The following MEGF11 variants were observed in gnomAD, a reference collection of about 807,000 sequenced individuals.
The protein encoded by MEGF11 is multiple epidermal growth factor-like domains protein 11.
In MEGF11, 126 loss-of-function variants were observed where a neutral mutation model predicts 146.6. The observed-to-expected ratio is 0.86, with a 90% CI of 0.74 to 1.00. The LOEUF (loss-of-function observed/expected upper bound fraction) is 1.00, where lower values mean the gene tolerates loss of function less well. MEGF11 is among the 50% of genes least tolerant of loss of function. MEGF11 has a pLI of 0.00. For synonymous variants in MEGF11, 532 were observed against 583.4 expected (o/e 0.91, Z 1.27); for missense variants, 1,509 against 1,521.2 (o/e 0.99, Z 0.13).
chr15:66,225,029 C>T (rs1376678284), intron 1 of MEGF11, among the ~76,000 whole-genome samples: 2 of 152,196 alleles, frequency 1.3e-5, no homozygotes, highest in African/African-American at 2.4e-5. Context: ...GGAAAGAACA[C>T]GGCGTGTGTG....
At chr15:65,978,199 C>T (rs2081514462) in intron 7 of MEGF11, among the ~76,000 whole-genome samples, 1 of 152,214 alleles carries the variant, frequency 6.6e-6, no homozygotes, top group African/African-American at 2.4e-5. Context: ...GTTGAAGTCA[C>T]ATAGGGCCAT....
chr15:65,917,974 C>T lies in MEGF11; in HGVS notation c.2078G>A (p.Cys693Tyr), dbSNP rs2079056377. ...QCFPGWIGKD[C>Y]SQACPPGFWG... is the part of the protein sequence containing the mutation. ...AGGTGGCAGCAGCTTACCCTGTGAG[C>T]AGTCCTTGCCAATCCATCCAGGAAA... Residue 693 changes from cysteine to tyrosine, a missense_variant, in exon 16 of 26, where the codon TGC becomes TAC. Coordinates refer to ENST00000395614, the MANE Select transcript of MEGF11 (RefSeq NM_001385028.1). 6.2e-7 allele frequency: 1 copy of T among 1,613,998 alleles called. No homozygotes were observed. The highest frequency in any genetic ancestry group is 8.5e-7 in the Non-Finnish European group (1 of 1,179,888).
intron 5 of MEGF11, among the ~76,000 whole-genome samples, chr15:66,084,844 G>T (rs551321234): frequency 1.1e-4 from 17 of 152,194 alleles, no homozygotes; most frequent in Non-Finnish European, 2.2e-4. Flanking sequence ...GACCTCACAA[G>T]CAAGGGAAGA....
chr15:65,947,041 A>AT (rs1206804254), intron 10 of MEGF11, among the ~76,000 whole-genome samples: 3 of 152,088 alleles, frequency 2.0e-5, no homozygotes, highest in Non-Finnish European at 2.9e-5. Flanking sequence ...TTTTAAATAG[A>AT]TTTTTTGTTA....
intron 5 of MEGF11, among the ~76,000 whole-genome samples, chr15:66,026,598 C>T (rs985455426): frequency 1.3e-5 from 2 of 152,172 alleles, no homozygotes; most frequent in African/African-American, 2.4e-5. Flanking sequence ...ATTCTCCTGC[C>T]TCAGCCTCCC....
At chr15:66,004,164 G>A (rs2082451833) in intron 5 of MEGF11, among the ~76,000 whole-genome samples, 2 of 152,130 alleles carry the variant, frequency 1.3e-5, no homozygotes, top group South Asian at 4.1e-4. Flanking sequence ...CACATTGAAA[G>A]CTGGAATGAA....
At chr15:66,202,944 G>A (rs1239463818) in intron 1 of MEGF11, among the ~76,000 whole-genome samples, 1 of 152,228 alleles carries the variant, frequency 6.6e-6, no homozygotes, top group Non-Finnish European at 1.5e-5. Context: ...GAAGGAACTG[G>A]CTAGAGGCAT....
chr15:66,246,966 C>T (rs7162947), intron 1 of MEGF11, among the ~76,000 whole-genome samples: 12,244 of 152,110 alleles, frequency 0.08, 563 homozygotes, highest in Non-Finnish European at 0.091. Flanking sequence ...CAGTACTGAT[C>T]GTATTTGGAT....
chr15:66,252,786 A>T (rs2092394265), intron 1 of MEGF11, among the ~76,000 whole-genome samples: 1 of 152,194 alleles, frequency 6.6e-6, no homozygotes, highest in Non-Finnish European at 1.5e-5. Context: ...AGGAGCCACA[A>T]CCACCACCCA....
intron 5 of MEGF11, among the ~76,000 whole-genome samples, chr15:66,084,390 C>T (rs2086015038): frequency 6.6e-6 from 1 of 152,120 alleles, no homozygotes; most frequent in African/African-American, 2.4e-5. Flanking sequence ...AGATCAACTG[C>T]AAGAACAAGC....
chr15:65,914,413 G>A (rs1461052004), intron 19 of MEGF11, among the ~76,000 whole-genome samples: 2 of 152,126 alleles, frequency 1.3e-5, no homozygotes, highest in African/African-American at 4.8e-5. Context: ...CTTCCTAATT[G>A]TGTGGCTCAG....
At chr15:65,940,667 GAA>G (rs1301106601) in intron 10 of MEGF11, among the ~76,000 whole-genome samples, 2 of 152,248 alleles carry the variant, frequency 1.3e-5, no homozygotes, top group African/African-American at 2.4e-5. Context: ...ACAGGGATGA[GAA>G]AGAGAGAGAC....
At chr15:65,909,167 A>C in intron 22 of MEGF11, 32 bp from the exon 23 acceptor site, 1 of 1,420,660 alleles carries the variant, frequency 7.0e-7, no homozygotes, top group South Asian at 1.2e-5. Flanking sequence ...AGGAGCCATT[A>C]TTCCCAGGGC....
At chr15:65,924,624 CTTTTTTTTTTT>C (rs573572484) in intron 13 of MEGF11, among the ~76,000 whole-genome samples, 7 of 111,616 alleles carry the variant, frequency 6.3e-5, no homozygotes, top group African/African-American at 1.0e-4. Context: ...TGCCATAAGG[CTTTTTTTTTTT>C]TTTTTTTTTT....
intron 1 of MEGF11, among the ~76,000 whole-genome samples, chr15:66,213,617 A>G (rs1171614010): frequency 6.7e-6 from 1 of 148,260 alleles, no homozygotes; most frequent in Non-Finnish European, 1.5e-5. Flanking sequence ...GGGTCTCGCC[A>G]TGTCGCCCAG....
chr15:66,099,982 C>T (rs1447753395), intron 4 of MEGF11, among the ~76,000 whole-genome samples: 2 of 152,184 alleles, frequency 1.3e-5, no homozygotes, highest in African/African-American at 2.4e-5. Flanking sequence ...TAGCCCTTTC[C>T]GTGTCTGGTC....
Position 66,106,742 on chromosome 15 carries a change from C to A in MEGF11, c.302-12248G>T, listed in dbSNP as rs1031281767. On this transcript the variant is annotated intron_variant, in intron 4 of 25. Coordinates refer to ENST00000395614, the MANE Select transcript of MEGF11 (RefSeq NM_001385028.1). ...ACATGCAGACTCACAATCCCATATG[C>A]ACCACGTGGACACACAGCCAGACAT... Among the ~76,000 whole-genome samples, 4 of 152,218 alleles carry A rather than the reference C, an allele frequency of 2.6e-5. No homozygotes were observed. In the East Asian group the frequency reaches 5.8e-4, roughly 22 times the overall value.
chr15:66,241,863 A>G (rs2092217296), intron 1 of MEGF11, among the ~76,000 whole-genome samples: 1 of 152,184 alleles, frequency 6.6e-6, no homozygotes, highest in South Asian at 2.1e-4. Flanking sequence ...TCACATCCCT[A>G]TCTACACCAC....
chr15:66,139,214 C>T (rs2089031231), intron 1 of MEGF11, among the ~76,000 whole-genome samples: 1 of 152,128 alleles, frequency 6.6e-6, no homozygotes, highest in African/African-American at 2.4e-5. Flanking sequence ...AGAAGCTCAC[C>T]CACCTTCCAG....
Sources: gnomAD v4.1 joint callset for allele counts (sites outside exome capture counted in the v4.1 genomes callset) on GRCh38, gnomAD v4.1.1 for gene constraint, MANE v1.5 for transcripts, NCBI Gene and HGNC (gene_info 2026-07-23, HGNC 2026-07-21) for gene names.